Variants in PDS5A observed in about 807,000 individuals in gnomAD.
PDS5A encodes the protein PDS5 cohesin associated factor A.
PDS5A carries 42 observed loss-of-function variants against 167.1 expected under a neutral mutation model. The observed-to-expected ratio is 0.25, with a 90% CI of 0.20 to 0.33. The LOEUF is 0.33. Ranked by LOEUF, PDS5A falls within the 10% of genes least tolerant of loss-of-function variation. The pLI is 1.00. For synonymous variants in PDS5A, 553 were observed against 554.6 expected (o/e 1.00, Z 0.04); for missense variants, 1,033 against 1,605.9 (o/e 0.64, Z 6.10).
At chr4:39,932,204 T>C (rs1726135256) in intron 2 of PDS5A, among the ~76,000 whole-genome samples, 2 of 152,172 alleles carry the variant, frequency 1.3e-5, no homozygotes, top group South Asian at 4.1e-4. Flanking sequence ...ATGTGACTTA[T>C]TTTGGCCAAA....
At chr4:39,947,060 C>T (rs927420575) in intron 2 of PDS5A, among the ~76,000 whole-genome samples, 4 of 152,042 alleles carry the variant, frequency 2.6e-5, no homozygotes, top group African/African-American at 4.8e-5. Flanking sequence ...CTGGGCAACA[C>T]AGGAAGACCC....
chr4:39,898,023 T>TA, intron 16 of PDS5A: 1 of 962,492 alleles, frequency 1.0e-6, no homozygotes, highest in Non-Finnish European at 1.2e-6. Context: ...ATGGCAATGT[T>TA]ACTACTACTA....
At chr4:39,941,142 T>C (rs1221503408) in intron 2 of PDS5A, among the ~76,000 whole-genome samples, 2 of 152,254 alleles carry the variant, frequency 1.3e-5, no homozygotes, top group African/African-American at 4.8e-5. Context: ...TTCTTACATT[T>C]TACTTGCTTA....
chr4:39,850,886 T>C (rs949687141), intron 26 of PDS5A, among the ~76,000 whole-genome samples: 1 of 152,232 alleles, frequency 6.6e-6, no homozygotes, highest in Non-Finnish European at 1.5e-5. Context: ...ATCCCAGTAT[T>C]TTCAGGCAGT....
chr4:39,915,386 G>C (rs544611880), intron 8 of PDS5A, among the ~76,000 whole-genome samples: 1 of 144,076 alleles, frequency 6.9e-6, no homozygotes, highest in Non-Finnish European at 1.5e-5. Context: ...CAAGGTCTGG[G>C]TGTGGCTCTA....
At chr4:39,894,944 T>G (rs1008048612) in intron 16 of PDS5A, among the ~76,000 whole-genome samples, 1 of 151,926 alleles carries the variant, frequency 6.6e-6, no homozygotes, top group Non-Finnish European at 1.5e-5. Context: ...AAATGTGTTG[T>G]TGGCCAGGCA....
intron 31 of PDS5A, among the ~76,000 whole-genome samples, 165 bp downstream of exon 31, chr4:39,841,783 G>A (rs188453842): frequency 3.9e-5 from 6 of 152,242 alleles, no homozygotes; most frequent in African/African-American, 1.4e-4. Context: ...TCATTTTTGG[G>A]AAGTATAGCC....
chr4:39,973,594 T>C, intron 2 of PDS5A: 1 of 1,280,748 alleles, frequency 7.8e-7, no homozygotes, highest in Non-Finnish European at 1.1e-6. Flanking sequence ...TGGTTTCGTA[T>C]GTTTCTCCTT....
At chr4:39,967,430 G>A (rs1360366165) in intron 2 of PDS5A, among the ~76,000 whole-genome samples, 2 of 152,034 alleles carry the variant, frequency 1.3e-5, no homozygotes, top group African/African-American at 4.8e-5. Flanking sequence ...GGTGGATCAC[G>A]AGGTCAGGGG....
rs75649699 is a variant in PDS5A at position 39,897,501 on chromosome 4, C to A, written c.1770+888G>T. Among the ~76,000 whole-genome samples, 333 of 152,254 alleles carry A rather than the reference C, an allele frequency of 2.2e-3. 9 individuals carry two copies. In the East Asian group the frequency reaches 0.053, roughly 24 times the overall value. On this transcript the variant is annotated intron_variant, in intron 16 of 32. Coordinates refer to ENST00000303538, the MANE Select transcript of PDS5A (RefSeq NM_001100399.2). The stretch of plus-strand genomic sequence containing the variant: ...ACAACCTCCACCTCCCGAGTTCAAG[C>A]AATTCTCCTGTCTCAGCCTCTTGAG...
At chr4:39,956,724 G>A (rs1252434237) in intron 2 of PDS5A, among the ~76,000 whole-genome samples, 2 of 151,454 alleles carry the variant, frequency 1.3e-5, no homozygotes, top group Admixed American at 1.3e-4. Flanking sequence ...CCAGGCTGGA[G>A]TGCTGCGGCA....
chr4:39,923,797 A>G (rs1015638271), intron 5 of PDS5A, among the ~76,000 whole-genome samples: 1 of 152,154 alleles, frequency 6.6e-6, no homozygotes, highest in Non-Finnish European at 1.5e-5. Flanking sequence ...CAACTCCCAC[A>G]CCTTAAGTCT....
chr4:39,941,948 G>A (rs1727263145), intron 2 of PDS5A, among the ~76,000 whole-genome samples: 1 of 152,244 alleles, frequency 6.6e-6, no homozygotes, highest in Admixed American at 6.6e-5. Flanking sequence ...AAAAAAGTGA[G>A]CTAGTTTCAT....
At chr4:39,970,155 T>A (rs538573906) in intron 2 of PDS5A, among the ~76,000 whole-genome samples, 1 of 152,008 alleles carries the variant, frequency 6.6e-6, no homozygotes, top group East Asian at 1.9e-4. Flanking sequence ...CAGCCTGTAA[T>A]GTAGAACCTT....
At chr4:39,859,684 C>G (rs929705703) in intron 26 of PDS5A, among the ~76,000 whole-genome samples, 2 of 152,118 alleles carry the variant, frequency 1.3e-5, no homozygotes, top group African/African-American at 4.8e-5. Context: ...GTCAGAACAC[C>G]ACTCGCACAC....
At chr4:39,963,408 G>A (rs1372215337) in intron 2 of PDS5A, among the ~76,000 whole-genome samples, 1 of 151,908 alleles carries the variant, frequency 6.6e-6, no homozygotes, top group Non-Finnish European at 1.5e-5. Context: ...GCAGTAAGCC[G>A]AGATTGCACC....
chr4:39,856,900 C>T (rs2101122), intron 26 of PDS5A, among the ~76,000 whole-genome samples: 48,278 of 151,860 alleles, frequency 0.32, 8,407 homozygotes, highest in Middle Eastern at 0.44. Flanking sequence ...AATGGGAATA[C>T]AGCCTATAAA....
At chr4:39,839,978 C>A (rs1408627187) in intron 31 of PDS5A, among the ~76,000 whole-genome samples, 1 of 151,988 alleles carries the variant, frequency 6.6e-6, no homozygotes. Flanking sequence ...CCTGTAATCC[C>A]AGCTACTCAG....
At chr4:39,921,759 TACC>T in intron 6 of PDS5A, among the ~76,000 whole-genome samples, 1 of 151,798 alleles carries the variant, frequency 6.6e-6, no homozygotes, top group African/African-American at 2.4e-5. Flanking sequence ...CCCAAAAAAA[TACC>T]ACCAACCTAC....
Sources: gnomAD v4.1 joint callset for allele counts (sites outside exome capture counted in the v4.1 genomes callset) on GRCh38, gnomAD v4.1.1 for gene constraint, MANE v1.5 for transcripts, NCBI Gene and HGNC (gene_info 2026-07-23, HGNC 2026-07-21) for gene names.